Variants in SLC4A4 observed in about 807,000 individuals in gnomAD.
The protein encoded by SLC4A4 is solute carrier family 4 member 4.
Under a neutral mutation model 111.5 loss-of-function variants are expected in SLC4A4, and 27 were observed. The observed-to-expected ratio is 0.24, with a 90% confidence interval of 0.18 to 0.33. The LOEUF is 0.33. Among genes scored for constraint, SLC4A4 ranks in the 10% least tolerant of loss-of-function variants. The pLI is 1.00. For missense variants in SLC4A4, 909 were observed against 1,315.5 expected, an observed-to-expected ratio of 0.69 and a Z score of 4.78; for synonymous variants, 443 against 463.4, an observed-to-expected ratio of 0.96 and a Z score of 0.57.
rs1288527155 is a variant in SLC4A4 at position 71,432,286 on chromosome 4, C to T, written c.808-8330C>T. ...GAAGTAAAATCAGATTATTAGAAAGCTTTGTGTTCTGTGTTAATAACGGGA... is the reference window on the plus strand; with the variant it reads ...GAAGTAAAATCAGATTATTAGAAAGTTTTGTGTTCTGTGTTAATAACGGGA... On this transcript the variant is annotated intron_variant, in intron 7 of 25. Coordinates refer to ENST00000264485, the MANE Select transcript of SLC4A4 (RefSeq NM_001098484.3). 2.6e-5 allele frequency among the ~76,000 whole-genome samples: 4 copies of T among 152,170 alleles called. No homozygotes were observed. In the East Asian group the frequency reaches 7.7e-4, roughly 29 times the overall value.
At chr4:71,547,805 A>G (rs1368811424) in intron 20 of SLC4A4, 85 bp downstream of exon 20, 1 of 1,139,372 alleles carries the variant, frequency 8.8e-7, no homozygotes, top group Non-Finnish European at 1.3e-6. Context: ...CTCATGAGAT[A>G]TTTGCGAGAT....
intron 3 of SLC4A4, among the ~76,000 whole-genome samples, chr4:71,280,720 A>G (rs971804376): frequency 7.2e-5 from 11 of 152,066 alleles, no homozygotes; most frequent in Non-Finnish European, 2.9e-5. Flanking sequence ...TTTTTGTGTC[A>G]TGTCTCAAAA....
chr4:71,282,168 G>C (rs1723570912), intron 3 of SLC4A4, among the ~76,000 whole-genome samples: 1 of 152,096 alleles, frequency 6.6e-6, no homozygotes, highest in Non-Finnish European at 1.5e-5. Context: ...AAGTAGCCAT[G>C]GCTTTGGTAA....
chr4:71,480,594 T>C (rs1333626999), intron 14 of SLC4A4, among the ~76,000 whole-genome samples: 1 of 151,798 alleles, frequency 6.6e-6, no homozygotes. Flanking sequence ...TCCAGAACCC[T>C]TAAATAAATC....
At chr4:71,345,923 G>A (rs1358682358) in intron 4 of SLC4A4, among the ~76,000 whole-genome samples, 1 of 151,888 alleles carries the variant, frequency 6.6e-6, no homozygotes, top group Non-Finnish European at 1.5e-5. Flanking sequence ...TTTTTCCCAG[G>A]TACACACTAA....
chr4:71,458,634 G>C (rs1726515088), intron 12 of SLC4A4, among the ~76,000 whole-genome samples: 1 of 151,944 alleles, frequency 6.6e-6, no homozygotes, highest in Non-Finnish European at 1.5e-5. Flanking sequence ...CTCCAAATTT[G>C]AGACTTTATT....
intron 2 of SLC4A4, among the ~76,000 whole-genome samples, chr4:71,150,171 C>T (rs1413416094): frequency 1.3e-5 from 2 of 151,960 alleles, no homozygotes; most frequent in Admixed American, 6.6e-5. Flanking sequence ...AAATGTTGAG[C>T]CTTGACAATC....
Position 71,067,965 on chromosome 4 carries a change from TCTCAAACTCCTGGC to T in SLC4A4, c.-65+5183_-65+5196del, listed in dbSNP as rs544029548. Among the ~76,000 whole-genome samples, 57 of 152,014 alleles carry T rather than the reference TCTCAAACTCCTGGC, an allele frequency of 3.7e-4. No individual in the cohort carries two copies. The East Asian group carries it at 0.011, about 29-fold the overall frequency. ...GATCTTGCTATGTTGCCTAGTTTGG[TCTCAAACTCCTGGC>T]CTCAAGCAATCCTCCTGCCTTCGCT... On this transcript the variant is annotated intron_variant, in intron 1 of 26. Transcript: ENST00000649996.
intron 2 of SLC4A4, among the ~76,000 whole-genome samples, chr4:71,253,410 C>A (rs1233837265): frequency 6.6e-6 from 1 of 152,032 alleles, no homozygotes; most frequent in Admixed American, 6.5e-5. Flanking sequence ...AGCTTAATTA[C>A]CATTTTTTGC....
At chr4:71,521,387 G>A (rs1732916910) in intron 16 of SLC4A4, among the ~76,000 whole-genome samples, 1 of 151,954 alleles carries the variant, frequency 6.6e-6, no homozygotes, top group Admixed American at 6.6e-5. Context: ...ACTCCACCAG[G>A]CCTGGAAAAT....
At chr4:71,256,759 A>G (rs1387543457) in intron 3 of SLC4A4, among the ~76,000 whole-genome samples, 2 of 152,184 alleles carry the variant, frequency 1.3e-5, no homozygotes, top group African/African-American at 4.8e-5. Flanking sequence ...ACAAAAGATA[A>G]CATTCTTTTC....
intron 1 of SLC4A4, 41 bp from the exon 2 acceptor site, chr4:71,236,532 CAGG>C (rs1455436226): frequency 1.3e-6 from 2 of 1,568,186 alleles, no homozygotes; most frequent in South Asian, 1.1e-5. Context: ...TGGCTCGCTC[CAGG>C]AGAAGTCTGA....
In SLC4A4 at chr4:71,399,030, AAAT is replaced by A. The variant is rs1720106886; in HGVS notation, c.807+1382_807+1384del. On this transcript the variant is annotated intron_variant, in intron 7 of 25. Transcript: ENST00000264485. ...TTTTTTTTTGTTGTCATTATTCTCT[AAAT>A]AATACATCATAGCAACTGTTTACAT... is the stretch of plus-strand genomic sequence containing the variant. Among the ~76,000 whole-genome samples, 10 of 152,290 alleles carry A rather than the reference AAAT, an allele frequency of 6.6e-5. No homozygotes were observed. The South Asian group carries it at 2.1e-3, about 32-fold the overall frequency.
chr4:71,437,149 A>G lies in SLC4A4; in HGVS notation c.808-3467A>G, dbSNP rs1017678568. 70 of 460,486 alleles carry G rather than the reference A, an allele frequency of 1.5e-4. No homozygotes were observed. The Admixed American group carries it at 1.7e-3, about 11-fold the overall frequency. The allele number at this position is 460,486 out of a possible 1,614,324, so 28.5% of individuals were successfully genotyped here. ...TCCTATATCTGAGTTCAGATCCGTC[A>G]GAGGGATGCCAGCAATATTGACTCC... On this transcript the variant is annotated intron_variant, in intron 7 of 25. Coordinates refer to ENST00000264485, the MANE Select transcript of SLC4A4 (RefSeq NM_001098484.3).
At chr4:71,286,797 C>T (rs16846223) in intron 3 of SLC4A4, among the ~76,000 whole-genome samples, 11,450 of 152,158 alleles carry the variant, frequency 0.075, 781 homozygotes, top group Admixed American at 0.21. Flanking sequence ...GTTACTACTT[C>T]GAAATTAGGC....
At chr4:71,103,444 C>G (rs563056873) in intron 2 of SLC4A4, among the ~76,000 whole-genome samples, 87 of 152,310 alleles carry the variant, frequency 5.7e-4, no homozygotes, top group African/African-American at 2.0e-3. Flanking sequence ...ACAGAACTCT[C>G]CACCCCAAAT....
intron 15 of SLC4A4, among the ~76,000 whole-genome samples, chr4:71,491,717 T>A (rs1350700422): frequency 6.6e-6 from 1 of 151,888 alleles, no homozygotes; most frequent in African/African-American, 2.4e-5. Flanking sequence ...CTTAAATGTA[T>A]GTATAGCTCA....
At chr4:71,331,744 AG>A (rs1479447678) in intron 3 of SLC4A4, among the ~76,000 whole-genome samples, 17 of 151,744 alleles carry the variant, frequency 1.1e-4, no homozygotes, top group African/African-American at 3.9e-4. Flanking sequence ...AAAAAAAAAA[AG>A]AAATGGTTTG....
chr4:71,186,766 G>C (rs1175540943), upstream of SLC4A4: 2 of 152,078 alleles, frequency 1.3e-5, no homozygotes, highest in African/African-American at 4.8e-5. Flanking sequence ...CGCGCTCGCG[G>C]CACAGCCTCC....
Sources: gnomAD v4.1 joint callset for allele counts (sites outside exome capture counted in the v4.1 genomes callset) on GRCh38, gnomAD v4.1.1 for gene constraint, MANE v1.5 for transcripts, NCBI Gene and HGNC (gene_info 2026-07-23, HGNC 2026-07-21) for gene names.